The following FRAS1 variants were observed in gnomAD, a reference collection of about 807,000 sequenced individuals.
The protein encoded by FRAS1 is extracellular matrix organizing protein FRAS1.
In FRAS1, 290 loss-of-function variants were observed where a neutral mutation model predicts 435.2. The observed-to-expected ratio is 0.67, with a 90% CI of 0.61 to 0.73. The LOEUF is 0.73. Among genes scored for constraint, FRAS1 ranks in the 30% least tolerant of loss-of-function variants. FRAS1 has a pLI of 0.00. For missense variants in FRAS1, 4,860 were observed against 5,001.5 expected (o/e 0.97, Z 0.85); for synonymous variants, 1,800 against 1,851.0 (o/e 0.97, Z 0.71).
At chr4:78,356,967 T>A (rs894888544) in intron 20 of FRAS1, among the ~76,000 whole-genome samples, 1 of 152,192 alleles carries the variant, frequency 6.6e-6, no homozygotes, top group Non-Finnish European at 1.5e-5. Context: ...TTACAATGTC[T>A]TGCAAAACTG....
chr4:78,057,698 G>A lies in FRAS1; in HGVS notation c.-312G>A, dbSNP rs897074934. The stretch of plus-strand genomic sequence containing the variant: ...GGCCAGTGACCAGCAACTTTCCGGC[G>A]AGATTTTGACGCGGAGAACTGTGCT... On this transcript the variant is annotated 5_prime_UTR_variant, in exon 1 of 74. Coordinates refer to ENST00000512123, the MANE Select transcript of FRAS1 (RefSeq NM_025074.7). This position sits in a 1 kb window ranked among gnomAD's most constrained non-coding sequence, Gnocchi z 4.2. 2 of 422,884 alleles carry A rather than the reference G, an allele frequency of 4.7e-6. No individual in the cohort carries two copies. The highest frequency in any genetic ancestry group is 2.0e-5 in the African/African-American group (1 of 49,892). The allele number at this position is 422,884 out of a possible 1,614,324, so 26.2% of individuals were successfully genotyped here. A position where few individuals can be genotyped will look rare whatever the true frequency, so the allele number is the denominator to read the frequency against.
Position 78,058,022 on chromosome 4 carries a change from A to G in FRAS1, c.13A>G (p.Lys5Glu). The G allele has an allele frequency of 6.2e-7, 1 of 1,613,924 alleles. No individual in the cohort carries two copies. Among genetic ancestry groups the G allele is most frequent in the Non-Finnish European group, 8.5e-7 (1 of 1,179,860 alleles). Reference sequence around the variant, plus strand: ...TGCCGAGGCGGCGATGGGTGTCCTCAAAGTGTGGCTCGGGCTGGCCCTAGC... The same window carrying G: ...TGCCGAGGCGGCGATGGGTGTCCTCGAAGTGTGGCTCGGGCTGGCCCTAGC... MGVL[K>E]VWLGLALALA... Residue 5 changes from lysine (K) to glutamate (E), a missense_variant, in exon 1 of 74, where the codon AAA becomes GAA. By Grantham distance (56) the Lys-to-Glu change is moderately conservative. Transcript: ENST00000512123.
chr4:78,318,760 A>G (rs1729376604), intron 17 of FRAS1, 50 bp from the exon 18 acceptor site: 9 of 1,498,982 alleles, frequency 6.0e-6, no homozygotes, highest in Admixed American at 2.2e-5. Flanking sequence ...AAGATTTGCA[A>G]CATATATTTG....
intron 47 of FRAS1, among the ~76,000 whole-genome samples, chr4:78,460,565 G>C (rs56660393): frequency 4.6e-5 from 7 of 152,162 alleles, no homozygotes; most frequent in Non-Finnish European, 8.8e-5. Flanking sequence ...CATGTATTGC[G>C]TAACAATTCT....
chr4:78,172,469 C>G (rs1721600063), intron 2 of FRAS1, among the ~76,000 whole-genome samples: 1 of 152,064 alleles, frequency 6.6e-6, no homozygotes, highest in Non-Finnish European at 1.5e-5. Context: ...AAGTGACTGA[C>G]AAACACTTTT....
chr4:78,287,079 G>T (rs908179985), intron 14 of FRAS1, among the ~76,000 whole-genome samples: 4 of 152,104 alleles, frequency 2.6e-5, no homozygotes, highest in African/African-American at 9.7e-5. Flanking sequence ...GGCTGGAGAG[G>T]CCTCAGGAAA....
rs192476468 is a variant in FRAS1 at position 78,479,490 on chromosome 4, G to A, written c.8215G>A (p.Ala2739Thr). Reference sequence around the variant, plus strand: ...TTTTAAATCTAGAGGGATGTCTGCCGCGAGTCGTGTGATATTCGGGCCTGG... The same window carrying A: ...TTTTAAATCTAGAGGGATGTCTGCCACGAGTCGTGTGATATTCGGGCCTGG... ...SDFKSRGMSA[A>T]SRVIFGPGVT... The change falls in exon 56 of 74, where the codon GCG becomes ACG. Residue 2739 changes from alanine to threonine, a missense_variant. Coordinates refer to ENST00000512123, the MANE Select transcript of FRAS1 (RefSeq NM_025074.7). 1,241 of 1,612,320 alleles carry A rather than the reference G, an allele frequency of 7.7e-4. 8 individuals carry two copies. In the African/African-American group the frequency reaches 0.014, roughly 18 times the overall value.
intron 14 of FRAS1, among the ~76,000 whole-genome samples, chr4:78,306,637 T>C (rs1170314830): frequency 6.7e-6 from 1 of 149,022 alleles, no homozygotes; most frequent in African/African-American, 2.5e-5. Flanking sequence ...TGATACCCTT[T>C]CTTCCAGTTG....
intron 2 of FRAS1, among the ~76,000 whole-genome samples, chr4:78,129,396 T>C (rs1278534958): frequency 6.6e-6 from 1 of 152,184 alleles, no homozygotes; most frequent in Non-Finnish European, 1.5e-5. Context: ...GGGTAAACAG[T>C]TGAGGAAAAT....
intron 35 of FRAS1, among the ~76,000 whole-genome samples, chr4:78,428,329 CT>C (rs34831830): frequency 4.0e-5 from 6 of 150,008 alleles, no homozygotes; most frequent in Admixed American, 6.6e-5. Flanking sequence ...AAAAAGTATT[CT>C]TTTTTTTTTT....
At chr4:78,508,253 C>T (rs866723663) in intron 62 of FRAS1, among the ~76,000 whole-genome samples, 1 of 152,116 alleles carries the variant, frequency 6.6e-6, no homozygotes, top group African/African-American at 2.4e-5. Flanking sequence ...TTCTGACTTC[C>T]GCTAACTTGT....
intron 2 of FRAS1, among the ~76,000 whole-genome samples, chr4:78,088,311 A>T (rs1741310288): frequency 6.6e-6 from 1 of 152,244 alleles, no homozygotes; most frequent in Non-Finnish European, 1.5e-5. Context: ...GTTAGACCTA[A>T]AACCATAAAA....
chr4:78,105,515 A>G (rs1742362014), intron 2 of FRAS1, among the ~76,000 whole-genome samples: 1 of 152,208 alleles, frequency 6.6e-6, no homozygotes, highest in Admixed American at 6.5e-5. Flanking sequence ...ATGAGGAAAG[A>G]TAACAGGAGG....
chr4:78,284,050 G>A (rs568166684), intron 12 of FRAS1, among the ~76,000 whole-genome samples: 6 of 152,108 alleles, frequency 3.9e-5, no homozygotes, highest in South Asian at 2.1e-4. Context: ...GAAGAACATC[G>A]GAGGTATCAT....
At chr4:78,196,209 G>T (rs564745951) in intron 2 of FRAS1, among the ~76,000 whole-genome samples, 7 of 152,098 alleles carry the variant, frequency 4.6e-5, no homozygotes, top group African/African-American at 1.7e-4. Flanking sequence ...GGGTTTCACC[G>T]TGTTAGCCAG....
At chr4:78,400,656 C>T in intron 29 of FRAS1, 78 bp from the exon 30 acceptor site, 1 of 1,388,330 alleles carries the variant, frequency 7.2e-7, no homozygotes, top group East Asian at 2.4e-5. Flanking sequence ...AACAACAGAA[C>T]TGGATAACTT....
intron 18 of FRAS1, among the ~76,000 whole-genome samples, chr4:78,331,063 G>A (rs1331100317): frequency 2.6e-5 from 4 of 152,106 alleles, no homozygotes; most frequent in Non-Finnish European, 4.4e-5. Context: ...TCTCAAGCTG[G>A]CCGATGCTTA....
chr4:78,496,384 A>G (rs1005983277), intron 59 of FRAS1, among the ~76,000 whole-genome samples: 3 of 152,224 alleles, frequency 2.0e-5, no homozygotes, highest in Non-Finnish European at 4.4e-5. Flanking sequence ...AAGGAAAAGA[A>G]GTGTTACTCA....
At chr4:78,494,788 C>A (rs1720465055) in intron 59 of FRAS1, among the ~76,000 whole-genome samples, 1 of 152,180 alleles carries the variant, frequency 6.6e-6, no homozygotes, top group South Asian at 2.1e-4. Context: ...CCTGTCATCA[C>A]AAATAATGCT....
Sources: gnomAD v4.1 joint callset for allele counts (sites outside exome capture counted in the v4.1 genomes callset) on GRCh38, gnomAD v4.1.1 for gene constraint, Gnocchi (gnomAD v3.1) non-coding constraint, MANE v1.5 for transcripts, NCBI Gene and HGNC (gene_info 2026-07-23, HGNC 2026-07-21) for gene names.